Variants in DMXL2 observed in about 807,000 individuals in gnomAD.
DMXL2 encodes the protein Dmx like 2, also known as dmX-like protein 2.
A neutral mutation model predicts 331.1 loss-of-function variants in DMXL2; 103 were observed. That is an observed-to-expected ratio of 0.31 (90% confidence interval 0.27 to 0.37). DMXL2 has a LOEUF of 0.37. Ranked by LOEUF, DMXL2 falls within the 10% of genes least tolerant of loss-of-function variation. DMXL2 has a pLI of 1.00. For missense variants in DMXL2, 3,171 were observed against 3,642.9 expected (o/e 0.87, Z 3.33); for synonymous variants, 1,281 against 1,252.1 (o/e 1.02, Z -0.49).
At chr15:51,565,036 C>A in intron 4 of DMXL2, 52 bp downstream of exon 4, 2 of 1,030,126 alleles carry the variant, frequency 1.9e-6, no homozygotes, top group South Asian at 2.1e-5. Context: ...TATTATCATA[C>A]ATTTAAAACA....
intron 5 of DMXL2, 131 bp from the exon 6 acceptor site, chr15:51,563,578 A>T: frequency 1.9e-6 from 1 of 524,770 alleles, no homozygotes; most frequent in Non-Finnish European, 3.3e-6. Flanking sequence ...CTTCCCTAAA[A>T]ATATAAATAA....
chr15:51,512,346 T>C (rs780393703), intron 15 of DMXL2, among the ~76,000 whole-genome samples: 3 of 151,964 alleles, frequency 2.0e-5, no homozygotes, highest in Admixed American at 6.6e-5. Context: ...CAAAAACACA[T>C]AAACAAACAA....
intron 13 of DMXL2, among the ~76,000 whole-genome samples, chr15:51,532,355 G>T (rs1273237279): frequency 6.6e-6 from 1 of 152,124 alleles, no homozygotes; most frequent in African/African-American, 2.4e-5. Context: ...TAGAGATAGA[G>T]TAGAAGGGTG....
rs1246422938 is a variant in DMXL2 at position 51,517,018 on chromosome 15, C to T, written c.2526+60G>A. The T allele has an allele frequency of 2.3e-6, 3 of 1,284,262 alleles. No individual in the cohort carries two copies. The African/African-American group carries it at 4.4e-5, about 19-fold the overall frequency. The allele number at this position is 1,284,262 out of a possible 1,614,324, so 79.6% of individuals were successfully genotyped here. A position where few individuals can be genotyped will look rare whatever the true frequency, so the allele number is the denominator to read the frequency against. On this transcript the variant is annotated intron_variant, in intron 14 of 43. Transcript: ENST00000560891. ...TTCTGAGAATGACATATATCATATA[C>T]ATATAAAACACCATGGGATAAAGTA...
At chr15:51,455,396 C>CT (rs1307936402) in intron 39 of DMXL2, among the ~76,000 whole-genome samples, 168 bp from the exon 40 acceptor site, 5 of 151,538 alleles carry the variant, frequency 3.3e-5, no homozygotes, top group African/African-American at 4.8e-5. Context: ...TTCCCTGTCA[C>CT]TTTTTTTTTA....
chr15:51,571,598 G>A (rs1444063105), intron 2 of DMXL2, among the ~76,000 whole-genome samples: 1 of 152,182 alleles, frequency 6.6e-6, no homozygotes, highest in African/African-American at 2.4e-5. Context: ...TCAGACCACA[G>A]CGCAATCATA....
At chr15:51,554,944 G>A (rs1220152954) in intron 6 of DMXL2, among the ~76,000 whole-genome samples, 1 of 152,174 alleles carries the variant, frequency 6.6e-6, no homozygotes, top group African/African-American at 2.4e-5. Context: ...GATCACTTGA[G>A]GCCAGGAGTT....
At chr15:51,621,492 T>G (rs2054622337) in intron 1 of DMXL2, among the ~76,000 whole-genome samples, 1 of 152,224 alleles carries the variant, frequency 6.6e-6, no homozygotes, top group South Asian at 2.1e-4. Context: ...CTGCCTACAG[T>G]TCCTTATAAG....
chr15:51,620,477 T>C (rs1567195425), intron 1 of DMXL2, among the ~76,000 whole-genome samples: 2 of 152,182 alleles, frequency 1.3e-5, no homozygotes, highest in Non-Finnish European at 2.9e-5. Context: ...GGAGTACATA[T>C]AATTAAAAAT....
chr15:51,468,028 A>AC (rs1213660787), intron 29 of DMXL2, among the ~76,000 whole-genome samples: 4 of 152,272 alleles, frequency 2.6e-5, no homozygotes, highest in East Asian at 3.9e-4. Context: ...GCCGGGCCTG[A>AC]CCTAGTACTT....
At position 51,450,288 on chromosome 15, in the gene DMXL2, G is replaced by T. The variant is rs1379469793; in HGVS notation, c.8808C>A (p.Leu2936=). The part of the protein sequence containing the change: ...TVLQYAPKQQ[L]LISGGRKGHV... The stretch of plus-strand genomic sequence containing the variant: ...GTCCTTTCCTACCCCCCGAGATTAG[G>T]AGTTGCTGTTTGGGTGCATACTGCA... Residue 2936 remains leucine (L), a synonymous_variant, in exon 43 of 44, where the codon CTC becomes CTA. Coordinates refer to ENST00000560891, the MANE Select transcript of DMXL2 (RefSeq NM_001378457.1). 6.2e-7 allele frequency: 1 copy of T among 1,614,006 alleles called. No individual in the cohort carries two copies. Among genetic ancestry groups the T allele is most frequent in the Non-Finnish European group, 8.5e-7 (1 of 1,179,976 alleles).
intron 25 of DMXL2, among the ~76,000 whole-genome samples, chr15:51,479,684 G>T (rs1008218110): frequency 2.0e-5 from 3 of 152,080 alleles, no homozygotes; most frequent in Non-Finnish European, 4.4e-5. Flanking sequence ...GGATCTAAAG[G>T]GATATTAAGT....
At chr15:51,457,561 T>A (rs2039741283) in intron 36 of DMXL2, 95 bp from the exon 37 acceptor site, 1 of 1,418,546 alleles carries the variant, frequency 7.0e-7, no homozygotes, top group African/African-American at 1.4e-5. Flanking sequence ...AGGACAATCT[T>A]TATTTTAAAA....
intron 13 of DMXL2, among the ~76,000 whole-genome samples, chr15:51,530,346 A>T (rs1406613336): frequency 6.6e-6 from 1 of 152,176 alleles, no homozygotes; most frequent in African/African-American, 2.4e-5. Context: ...AGACTCCACC[A>T]AAAACCATTA....
chr15:51,566,706 C>T (rs1294367842), intron 3 of DMXL2, among the ~76,000 whole-genome samples: 1 of 151,872 alleles, frequency 6.6e-6, no homozygotes, highest in East Asian at 1.9e-4. Context: ...GAAAAAATAC[C>T]AAAACCATTT....
chr15:51,470,566 G>C (rs765337033), intron 29 of DMXL2, among the ~76,000 whole-genome samples: 4 of 152,154 alleles, frequency 2.6e-5, no homozygotes, highest in African/African-American at 9.7e-5. Flanking sequence ...TCTAAAAATG[G>C]GAAGAGGCAT....
At chr15:51,460,081 G>A (rs980723132) in intron 33 of DMXL2, 1 of 934,406 alleles carries the variant, frequency 1.1e-6, no homozygotes, top group Non-Finnish European at 1.3e-6. Context: ...TCAAAATATT[G>A]ATAATTATTT....
intron 1 of DMXL2, among the ~76,000 whole-genome samples, chr15:51,618,556 T>A (rs1264419162): frequency 6.6e-6 from 1 of 150,426 alleles, no homozygotes; most frequent in African/African-American, 2.4e-5. Flanking sequence ...TATTTTAATT[T>A]AAAAAAAAAA....
intron 6 of DMXL2, among the ~76,000 whole-genome samples, chr15:51,552,628 G>A (rs186325482): frequency 2.6e-4 from 40 of 152,028 alleles, no homozygotes; most frequent in African/African-American, 8.0e-4. Context: ...CCTGGTTTTC[G>A]TTTTATTTCA....
Sources: allele counts gnomAD v4.1 joint callset (sites outside exome capture counted in the v4.1 genomes callset), GRCh38; gene constraint gnomAD v4.1.1; transcripts MANE v1.5; gene names NCBI Gene and HGNC (gene_info 2026-07-23, HGNC 2026-07-21).